Variants in DCBLD1 observed in about 807,000 individuals in gnomAD.
The protein encoded by DCBLD1 is discoidin, CUB and LCCL domain containing 1.
In DCBLD1, 57 loss-of-function variants were observed where a neutral mutation model predicts 71.5. That is an observed-to-expected ratio of 0.80 (90% confidence interval 0.64 to 0.99). The LOEUF (loss-of-function observed/expected upper bound fraction) is 0.99. DCBLD1 is among the 50% of genes least tolerant of loss of function. DCBLD1 has a pLI of 0.00. For synonymous variants in DCBLD1, 380 were observed against 363.8 expected (o/e 1.04, Z -0.51); for missense variants, 891 against 923.5 (o/e 0.96, Z 0.46).
chr6:117,566,704 A>C (rs954454124), intron 14 of DCBLD1: 1 of 512,684 alleles, frequency 2.0e-6, no homozygotes, highest in African/African-American at 1.9e-5. Context: ...CTGTTAGCAT[A>C]GTATACAATA....
intron 3 of DCBLD1, 87 bp from the exon 4 acceptor site, chr6:117,521,438 C>G (rs1455527515): frequency 7.7e-6 from 9 of 1,166,770 alleles, no homozygotes; most frequent in Middle Eastern, 2.3e-4. Flanking sequence ...TTTTTAAAAA[C>G]TCTTTTATTT....
chr6:117,530,213 G>A (rs1442851054), intron 5 of DCBLD1, among the ~76,000 whole-genome samples: 1 of 152,186 alleles, frequency 6.6e-6, no homozygotes, highest in Admixed American at 6.5e-5. Flanking sequence ...CAAGGTGACA[G>A]ACCTTCAGAA....
chr6:117,567,081 A>G (rs760035641), intron 14 of DCBLD1: 10 of 1,417,572 alleles, frequency 7.1e-6, no homozygotes, highest in Non-Finnish European at 9.5e-6. Flanking sequence ...TGTAATTGTA[A>G]TTTAAAAAGG....
intron 14 of DCBLD1, 170 bp from the exon 15 acceptor site, chr6:117,547,737 G>A (rs1226036194): frequency 2.8e-6 from 4 of 1,411,830 alleles, no homozygotes; most frequent in Non-Finnish European, 3.9e-6. Context: ...TACTGCCTGC[G>A]GGTGGCTTCT....
intron 1 of DCBLD1, 187 bp from the exon 2 acceptor site, chr6:117,503,580 C>T: frequency 1.6e-6 from 1 of 606,604 alleles, no homozygotes; most frequent in Non-Finnish European, 2.8e-6. Flanking sequence ...AACTGGAAAA[C>T]AAGAGATGAA....
At chr6:117,535,475 G>A (rs1482378448) in intron 6 of DCBLD1, among the ~76,000 whole-genome samples, 1 of 152,100 alleles carries the variant, frequency 6.6e-6, no homozygotes. Flanking sequence ...TTTTAAAAGA[G>A]TAGGCTTATT....
At chr6:117,568,641 G>A (rs1779745899) in intron 14 of DCBLD1, among the ~76,000 whole-genome samples, 3 of 152,134 alleles carry the variant, frequency 2.0e-5, no homozygotes. Flanking sequence ...ATGATGCAGT[G>A]GTCTTCAGCA....
chr6:117,536,144 G>A (rs945785980), intron 6 of DCBLD1, among the ~76,000 whole-genome samples: 1 of 152,150 alleles, frequency 6.6e-6, no homozygotes, highest in Admixed American at 6.5e-5. Context: ...GGGGTTCTTT[G>A]TGGATTTCAT....
rs572659148 is a variant in DCBLD1 at position 117,556,830 on chromosome 6, C to T, written c.1615+11233C>T. On this transcript the variant is annotated intron_variant, in intron 14 of 14. Transcript: ENST00000296955. ...TTTCCGTAAAGGTTGTACTAATTTA[C>T]ATTCCCACCAACGGTGTAAGTGCTC... 3.3e-5 allele frequency among the ~76,000 whole-genome samples: 5 copies of T among 152,314 alleles called. No individual in the cohort carries two copies. In the South Asian group the frequency reaches 8.3e-4, roughly 25 times the overall value.
At chr6:117,489,656 G>T (rs1028929743) in intron 1 of DCBLD1, among the ~76,000 whole-genome samples, 1 of 152,066 alleles carries the variant, frequency 6.6e-6, no homozygotes, top group Non-Finnish European at 1.5e-5. Context: ...AGGCCGAGGC[G>T]GGTGGATCAC....
chr6:117,500,594 C>T (rs535982680), intron 1 of DCBLD1, among the ~76,000 whole-genome samples: 8 of 152,260 alleles, frequency 5.3e-5, no homozygotes, highest in South Asian at 4.1e-4. Context: ...TGGCCGGGTG[C>T]GGTGGCTCAC....
intron 4 of DCBLD1, among the ~76,000 whole-genome samples, 186 bp downstream of exon 4, chr6:117,521,762 A>G (rs1398054825): frequency 6.6e-6 from 1 of 152,230 alleles, no homozygotes; most frequent in East Asian, 1.9e-4. Flanking sequence ...CAAGGGGTAG[A>G]TAATAAATAT....
At chr6:117,494,403 T>C (rs189605936) in intron 1 of DCBLD1, among the ~76,000 whole-genome samples, 2 of 152,316 alleles carry the variant, frequency 1.3e-5, no homozygotes, top group East Asian at 3.9e-4. Context: ...AAAGCTAGCA[T>C]GTTCCAGCGG....
intron 2 of DCBLD1, among the ~76,000 whole-genome samples, chr6:117,507,701 T>C (rs1363513582): frequency 6.6e-6 from 1 of 152,216 alleles, no homozygotes; most frequent in Non-Finnish European, 1.5e-5. Context: ...CAGTTACTTG[T>C]CCTGACTTCT....
intron 7 of DCBLD1, among the ~76,000 whole-genome samples, chr6:117,537,451 G>A (rs535300749): frequency 6.6e-5 from 10 of 151,300 alleles, no homozygotes; most frequent in South Asian, 4.2e-4. Flanking sequence ...GGAGAATGGC[G>A]TGAACCCGGG....
downstream of DCBLD1, among the ~76,000 whole-genome samples, chr6:117,551,654 C>T (rs1004589014): frequency 6.6e-6 from 1 of 152,202 alleles, no homozygotes; most frequent in Non-Finnish European, 1.5e-5. Context: ...GCTGGGATTA[C>T]AGGCGTGAGC....
intron 2 of DCBLD1, among the ~76,000 whole-genome samples, chr6:117,511,590 G>A (rs1204303577): frequency 2.6e-5 from 4 of 152,318 alleles, no homozygotes; most frequent in African/African-American, 9.6e-5. Flanking sequence ...TGGAAATAAT[G>A]CGAAGTGGTT....
intron 2 of DCBLD1, among the ~76,000 whole-genome samples, chr6:117,511,133 G>A (rs1778006307): frequency 6.6e-6 from 1 of 152,118 alleles, no homozygotes; most frequent in Admixed American, 6.5e-5. Context: ...TGTTTGTGTT[G>A]AAAGCCATCT....
At chr6:117,501,704 C>G (rs989405913) in intron 1 of DCBLD1, among the ~76,000 whole-genome samples, 2 of 152,150 alleles carry the variant, frequency 1.3e-5, no homozygotes, top group Non-Finnish European at 2.9e-5. Context: ...ACAAATAATT[C>G]AGATTTCAAA....
Sources: gnomAD v4.1 joint callset for allele counts (sites outside exome capture counted in the v4.1 genomes callset) on GRCh38, gnomAD v4.1.1 for gene constraint, MANE v1.5 for transcripts, NCBI Gene and HGNC (gene_info 2026-07-23, HGNC 2026-07-21) for gene names.